ACER1: variants seen among roughly 807,000 people sequenced by gnomAD.
The protein encoded by ACER1 is CTB-180A7.3.
A neutral mutation model predicts 24.9 loss-of-function variants in ACER1; 28 were observed. That is an observed-to-expected ratio of 1.13 (90% CI 0.83 to 1.54). ACER1 has a LOEUF of 1.54. ACER1 is among the 40% of genes most tolerant of loss of function. The probability of loss-of-function intolerance (pLI) is 0.00; values close to 1 mark genes in which losing one functional copy is unlikely to be tolerated. For synonymous variants in ACER1, 132 were observed against 131.4 expected, an observed-to-expected ratio of 1.00 and a Z score of -0.03; for missense variants, 352 against 349.3, an observed-to-expected ratio of 1.01 and a Z score of -0.06.
chr19:6,347,224 CT>C, the ACER1 span, among the ~76,000 whole-genome samples: 93 of 118,764 alleles, frequency 7.8e-4, no homozygotes, highest in Middle Eastern at 4.0e-3. Context: ...TTTTCTTTTT[CT>C]TTTTTTTTTT....
chr19:6,339,867 G>A, the ACER1 span, among the ~76,000 whole-genome samples: 8 of 151,682 alleles, frequency 5.3e-5, no homozygotes, highest in African/African-American at 9.7e-5. Context: ...GGGTTTCACC[G>A]TGTTAGCCAG....
At chr19:6,346,505 C>CTT in the ACER1 span, among the ~76,000 whole-genome samples, 1 of 148,910 alleles carries the variant, frequency 6.7e-6, no homozygotes. Context: ...TCTTCTTCTT[C>CTT]TTTTTTTTCT....
intron 4 of ACER1, among the ~76,000 whole-genome samples, chr19:6,309,122 C>T (rs1049273530): frequency 1.3e-5 from 2 of 151,944 alleles, no homozygotes; most frequent in African/African-American, 2.4e-5. Context: ...TCCTTGAACC[C>T]GGGAGGCAGA....
rs571680878 is a variant in ACER1 at position 6,328,066 on chromosome 19, A to T, written c.93+5393T>A. Among the ~76,000 whole-genome samples the T allele has an allele frequency of 7.7e-5, 11 of 143,636 alleles. No homozygotes were observed. In the Admixed American group the frequency reaches 7.7e-4, roughly 10 times the overall value. 94.2% of individuals were successfully genotyped at this position (143,636 alleles called of 152,430 possible). On this transcript the variant is annotated intron_variant, in intron 1 of 5. Transcript: ENST00000301452. ...ACTCCAGCCTGGGCGACAGAGTGAG[A>T]CTCCATCTCAAAAAAAAAAAAAAAT...
chr19:6,353,386 G>T, the ACER1 span: 3 of 152,184 alleles, frequency 2.0e-5, no homozygotes, highest in African/African-American at 7.2e-5. Flanking sequence ...TGACATCTCA[G>T]CGCTTTGGGA....
the ACER1 span, among the ~76,000 whole-genome samples, chr19:6,344,277 T>C: frequency 6.6e-6 from 1 of 150,610 alleles, no homozygotes; most frequent in Non-Finnish European, 1.5e-5. Flanking sequence ...TAAAAATATA[T>C]ATATAAATAT....
chr19:6,323,661 T>C (rs1264837941), intron 1 of ACER1, among the ~76,000 whole-genome samples: 2 of 152,218 alleles, frequency 1.3e-5, no homozygotes, highest in Non-Finnish European at 2.9e-5. Context: ...ATTAGCAGAG[T>C]GAAAATGAAC....
At chr19:6,358,441 C>T in the ACER1 span, among the ~76,000 whole-genome samples, 4 of 152,108 alleles carry the variant, frequency 2.6e-5, no homozygotes, top group African/African-American at 9.7e-5. Flanking sequence ...GCAGTCCCCT[C>T]GAGGTTACAG....
chr19:6,322,005 T>C (rs1023939357), intron 1 of ACER1, among the ~76,000 whole-genome samples: 1 of 151,786 alleles, frequency 6.6e-6, no homozygotes, highest in Admixed American at 6.6e-5. Context: ...AAAGAAGAAA[T>C]TGTTGTCCCA....
At chr19:6,318,658 C>T (rs1208588897) in intron 1 of ACER1, among the ~76,000 whole-genome samples, 4 of 141,872 alleles carry the variant, frequency 2.8e-5, no homozygotes, top group East Asian at 2.1e-4. Flanking sequence ...TGGTGGCAGG[C>T]GCCTGTAGTC....
In ACER1 at chr19:6,309,377, C is replaced by A. The variant is rs1343530064; in HGVS notation, c.488+320G>T. 4.6e-5 allele frequency among the ~76,000 whole-genome samples: 7 copies of A among 152,032 alleles called. No homozygotes were observed. The South Asian group carries it at 1.5e-3, about 32-fold the overall frequency. ...CTACAAAGAAAAATACAAAAATTAT[C>A]CTGGCATGATGGCATACGCCTCTAG... On this transcript the variant is annotated intron_variant, in intron 4 of 5. Transcript: ENST00000301452.
the ACER1 span, among the ~76,000 whole-genome samples, chr19:6,353,758 G>C: frequency 6.6e-6 from 1 of 152,018 alleles, no homozygotes; most frequent in African/African-American, 2.4e-5. Flanking sequence ...CTGCAAGGGA[G>C]AGGTGGCAGT....
the ACER1 span, among the ~76,000 whole-genome samples, chr19:6,345,510 G>A: frequency 6.6e-6 from 1 of 151,234 alleles, no homozygotes; most frequent in Non-Finnish European, 1.5e-5. Flanking sequence ...CCTGAAACTA[G>A]ACTGTCCCAG....
chr19:6,336,938 G>A (rs2091716851), upstream of ACER1, among the ~76,000 whole-genome samples: 1 of 152,032 alleles, frequency 6.6e-6, no homozygotes, highest in Non-Finnish European at 1.5e-5. Context: ...CACTCTGGGA[G>A]GCTGAGGCAG....
chr19:6,327,197 G>A (rs2091665394), intron 1 of ACER1, among the ~76,000 whole-genome samples: 1 of 152,202 alleles, frequency 6.6e-6, no homozygotes, highest in South Asian at 2.1e-4. Flanking sequence ...TTTAGAGATT[G>A]AGGCAGGCAG....
the ACER1 span, among the ~76,000 whole-genome samples, chr19:6,358,318 G>A: frequency 1.3e-5 from 2 of 152,078 alleles, no homozygotes; most frequent in African/African-American, 2.4e-5. Flanking sequence ...TCTGCTTTGC[G>A]GACCTGCAAG....
the ACER1 span, among the ~76,000 whole-genome samples, chr19:6,356,082 T>G: frequency 1.3e-5 from 2 of 151,428 alleles, no homozygotes; most frequent in African/African-American, 4.9e-5. Context: ...CATGTCTGTG[T>G]AGAAAGAGGT....
At chr19:6,353,655 A>G in the ACER1 span, among the ~76,000 whole-genome samples, 1 of 150,906 alleles carries the variant, frequency 6.6e-6, no homozygotes, top group Non-Finnish European at 1.5e-5. Flanking sequence ...CTGAAACCCC[A>G]TCTCTACTAA....
upstream of ACER1, among the ~76,000 whole-genome samples, chr19:6,335,174 A>C (rs2091708444): frequency 7.1e-6 from 1 of 140,924 alleles, no homozygotes; most frequent in African/African-American, 2.6e-5. Flanking sequence ...ATATTATATA[A>C]TTTTTCTTTT....
Sources: allele counts gnomAD v4.1 joint callset (sites outside exome capture counted in the v4.1 genomes callset), GRCh38; gene constraint gnomAD v4.1.1; transcripts MANE v1.5; gene names NCBI Gene and HGNC (gene_info 2026-07-23, HGNC 2026-07-21).